The following DOCK3 variants were observed in gnomAD, a reference collection of about 807,000 sequenced individuals.
DOCK3 encodes dedicator of cytokinesis protein 3.
A neutral mutation model predicts 265.6 loss-of-function variants in DOCK3; 60 were observed. The ratio of observed to expected loss-of-function variants is 0.23; its 90% CI spans 0.18 to 0.28. The LOEUF is 0.28. Among genes scored for constraint, DOCK3 ranks in the 10% least tolerant of loss-of-function variants. DOCK3 has a pLI of 1.00. For missense variants in DOCK3, 1,981 were observed against 2,594.3 expected (o/e 0.76, Z 5.14); for synonymous variants, 881 against 938.0 (o/e 0.94, Z 1.11).
At position 51,305,729 on chromosome 3, in the gene DOCK3, T is replaced by C. The variant is rs550444703; in HGVS notation, c.2923-4503T>C. 9.3e-4 allele frequency among the ~76,000 whole-genome samples: 47 copies of C among 50,800 alleles called. No homozygotes were observed. The East Asian group carries it at 0.021, about 23-fold the overall frequency. 33.3% of individuals were successfully genotyped at this position (50,800 alleles called of 152,430 possible). On this transcript the variant is annotated intron_variant, in intron 27 of 52. Coordinates refer to ENST00000266037, the MANE Select transcript of DOCK3 (RefSeq NM_004947.5). ...GTGTGTGTGTGTCTGTGTGTGTGTG[T>C]GTGCGCGTGTGTGTGTGTGTGTGTG...
chr3:50,852,175 C>G (rs1227090649), intron 3 of DOCK3, among the ~76,000 whole-genome samples: 1 of 152,168 alleles, frequency 6.6e-6, no homozygotes, highest in Non-Finnish European at 1.5e-5. Context: ...TATTTTCCTC[C>G]CTGGGATCTG....
chr3:51,013,023 C>G (rs765497819), intron 5 of DOCK3, among the ~76,000 whole-genome samples: 2 of 152,150 alleles, frequency 1.3e-5, no homozygotes, highest in Non-Finnish European at 2.9e-5. Context: ...CTTCTCCACA[C>G]TGTTTATTCT....
chr3:51,010,941 G>A (rs2078924084), intron 5 of DOCK3, among the ~76,000 whole-genome samples: 1 of 152,134 alleles, frequency 6.6e-6, no homozygotes, highest in African/African-American at 2.4e-5. Context: ...AATGTTGAAT[G>A]TTGGCCCCCT....
chr3:51,208,629 C>G lies in DOCK3; in HGVS notation c.1038-145C>G, dbSNP rs114553955. ...TGTTTTCTGCTTAATAGGAAATGAGCCTTGTTTAATTTAGTAAAACAGAAC... is the reference window on the plus strand; with the variant it reads ...TGTTTTCTGCTTAATAGGAAATGAGGCTTGTTTAATTTAGTAAAACAGAAC... On this transcript the variant is annotated intron_variant, in intron 12 of 52. Transcript: ENST00000266037. The G allele has an allele frequency of 2.3e-3, 1,460 of 629,964 alleles. 6 individuals carry two copies. Among genetic ancestry groups the G allele is most frequent in the African/African-American group, 0.02 (1,084 of 54,736 alleles). The allele number at this position is 629,964 out of a possible 1,614,324, so 39.0% of individuals were successfully genotyped here.
chr3:51,353,624 A>G (rs2086155015), intron 40 of DOCK3, among the ~76,000 whole-genome samples: 1 of 151,978 alleles, frequency 6.6e-6, no homozygotes, highest in African/African-American at 2.4e-5. Flanking sequence ...AAAAAACAAA[A>G]AAACAATACA....
intron 1 of DOCK3, among the ~76,000 whole-genome samples, chr3:50,748,124 A>G (rs1485051532): frequency 6.6e-6 from 1 of 152,132 alleles, no homozygotes; most frequent in Non-Finnish European, 1.5e-5. Flanking sequence ...CCCTGGCTAC[A>G]GCCGTCAGTA....
intron 5 of DOCK3, among the ~76,000 whole-genome samples, chr3:51,006,122 C>G (rs542378630): frequency 1.6e-3 from 246 of 152,272 alleles, no homozygotes; most frequent in Non-Finnish European, 2.8e-3. Flanking sequence ...AATACTCCCC[C>G]CTTAGTTATC....
At chr3:51,272,578 C>T (rs553788594) in intron 24 of DOCK3, among the ~76,000 whole-genome samples, 2 of 151,748 alleles carry the variant, frequency 1.3e-5, no homozygotes, top group South Asian at 2.1e-4. Context: ...TGAGACACCG[C>T]GCCCGGCCAG....
Position 51,066,343 on chromosome 3 carries a change from G to A in DOCK3, c.464+1747G>A, listed in dbSNP as rs183019688. 1.1e-3 allele frequency among the ~76,000 whole-genome samples: 164 copies of A among 152,222 alleles called. 1 individual carries two copies. Among genetic ancestry groups the A allele is most frequent in the Admixed American group, 3.4e-3 (52 of 15,278 alleles). ...AAACAAACAAACAAAAACTCACAAC[G>A]AGGCACATTAAGATAGCTTAGTATT... On this transcript the variant is annotated intron_variant, in intron 6 of 52. Coordinates refer to ENST00000266037, the MANE Select transcript of DOCK3 (RefSeq NM_004947.5).
chr3:51,107,546 AG>A (rs764933303), intron 9 of DOCK3, among the ~76,000 whole-genome samples: 1 of 152,162 alleles, frequency 6.6e-6, no homozygotes, highest in Admixed American at 6.5e-5. Context: ...AAAACACTCT[AG>A]AAGAAGTATT....
intron 1 of DOCK3, among the ~76,000 whole-genome samples, chr3:50,684,732 A>G (rs2034656286): frequency 6.6e-6 from 1 of 152,236 alleles, no homozygotes; most frequent in South Asian, 2.1e-4. Flanking sequence ...TGACTTTTCC[A>G]GGGAACTCAA....
intron 22 of DOCK3, among the ~76,000 whole-genome samples, chr3:51,249,630 T>A (rs1230784247): frequency 8.3e-5 from 3 of 36,288 alleles, no homozygotes; most frequent in African/African-American, 1.3e-4. Flanking sequence ...CGGCCAGCCG[T>A]CCCGTCCGGG....
chr3:51,110,818 G>A (rs2083479310), intron 9 of DOCK3, among the ~76,000 whole-genome samples: 1 of 151,258 alleles, frequency 6.6e-6, no homozygotes, highest in South Asian at 2.1e-4. Context: ...CAGATTGTTG[G>A]AAACCTGACC....
In DOCK3 at chr3:51,017,379, T is replaced by A. The variant is rs557815548; in HGVS notation, c.316-47069T>A. Among the ~76,000 whole-genome samples the A allele has an allele frequency of 2.1e-3, 320 of 151,800 alleles. 8 individuals are homozygous for A. The highest frequency in any genetic ancestry group is 7.6e-3 in the African/African-American group (312 of 41,228). On this transcript the variant is annotated intron_variant, in intron 5 of 52. Coordinates refer to ENST00000266037, the MANE Select transcript of DOCK3 (RefSeq NM_004947.5). ...AAATTTCTTTCTACTGTGATCTTTA[T>A]TATTTCTTTTCACTGGCTAACTTTG... is the stretch of plus-strand genomic sequence containing the variant.
chr3:50,858,380 A>G (rs904462290), intron 3 of DOCK3, among the ~76,000 whole-genome samples: 1 of 151,790 alleles, frequency 6.6e-6, no homozygotes, highest in African/African-American at 2.4e-5. Context: ...ATAAATATGT[A>G]TCAAACCTGC....
chr3:50,722,845 C>T (rs1161792379), intron 1 of DOCK3, among the ~76,000 whole-genome samples: 6 of 149,348 alleles, frequency 4.0e-5, no homozygotes, highest in Admixed American at 2.0e-4. Context: ...GATCTCGGCT[C>T]ACTGCAGCCT....
At chr3:50,757,435 G>A (rs921101981) in intron 1 of DOCK3, among the ~76,000 whole-genome samples, 3 of 151,972 alleles carry the variant, frequency 2.0e-5, no homozygotes, top group Admixed American at 6.6e-5. Flanking sequence ...GCCTCCCAAA[G>A]TGCTGCGATT....
At chr3:51,001,808 C>G in intron 5 of DOCK3, among the ~76,000 whole-genome samples, 1 of 152,116 alleles carries the variant, frequency 6.6e-6, no homozygotes, top group East Asian at 1.9e-4. Context: ...AAGTACTCAT[C>G]ATTGTCAGTA....
chr3:51,380,992 G>T (rs1470290455), intron 52 of DOCK3, 58 bp from the exon 53 acceptor site: 3 of 1,524,046 alleles, frequency 2.0e-6, no homozygotes, highest in African/African-American at 1.4e-5. Flanking sequence ...TTCCTATGGC[G>T]GGCAAGTCAG....
Sources: gnomAD v4.1 joint callset for allele counts (sites outside exome capture counted in the v4.1 genomes callset) on GRCh38, gnomAD v4.1.1 for gene constraint, MANE v1.5 for transcripts, NCBI Gene and HGNC (gene_info 2026-07-23, HGNC 2026-07-21) for gene names.